Variants in THSD4 observed in about 807,000 individuals in gnomAD.
The protein encoded by THSD4 is thrombospondin type-1 domain-containing protein 4.
Under a neutral mutation model 119.0 loss-of-function variants are expected in THSD4, and 69 were observed. The ratio of observed to expected loss-of-function variants is 0.58; its 90% CI spans 0.48 to 0.71. The LOEUF (loss-of-function observed/expected upper bound fraction) is 0.71, where lower values mean the gene tolerates loss of function less well. THSD4 is among the 30% of genes least tolerant of loss of function. The pLI is 0.00. For synonymous variants in THSD4, 524 were observed against 540.4 expected, an observed-to-expected ratio of 0.97 and a Z score of 0.42; for missense variants, 1,393 against 1,391.1, an observed-to-expected ratio of 1.00 and a Z score of -0.02.
chr15:71,732,630 C>G (rs2053002524), intron 10 of THSD4: 1 of 152,164 alleles, frequency 6.6e-6, no homozygotes, highest in Non-Finnish European at 1.5e-5. Context: ...ATTCTCATGA[C>G]AGAGGGAGGT....
At chr15:71,372,148 C>T (rs2046060164) in intron 6 of THSD4, among the ~76,000 whole-genome samples, 1 of 152,192 alleles carries the variant, frequency 6.6e-6, no homozygotes, top group South Asian at 2.1e-4. Context: ...TTAAGGACTT[C>T]TCTGCACTGG....
rs898210785 is a variant in THSD4 at position 71,204,355 on chromosome 15, A to G, written c.100-10680A>G. On this transcript the variant is annotated intron_variant, in intron 3 of 17. Transcript: ENST00000261862. ...CTGCTTTTAAAGATCATGGAAATCC[A>G]TCCGGGCCTCCTTTGCACTGCGTTT... 7.9e-5 allele frequency among the ~76,000 whole-genome samples: 12 copies of G among 152,314 alleles called. No individual in the cohort carries two copies. The South Asian group carries it at 8.3e-4, about 11-fold the overall frequency.
At position 71,718,090 on chromosome 15, in the gene THSD4, A is replaced by G. The variant is rs2052642852; in HGVS notation, c.1358-10459A>G. 2.0e-5 allele frequency among the ~76,000 whole-genome samples: 3 copies of G among 151,838 alleles called. No homozygotes were observed. The South Asian group carries it at 6.2e-4, about 32-fold the overall frequency. On this transcript the variant is annotated intron_variant, in intron 8 of 17. Transcript: ENST00000261862. ...CTTGAGCCTGGGAAGTTGAGGCTAC[A>G]GTGAGCCATGATCATGCCATTGCAT...
intron 6 of THSD4, among the ~76,000 whole-genome samples, chr15:71,311,438 A>C (rs949338807): frequency 6.6e-6 from 1 of 152,186 alleles, no homozygotes; most frequent in Admixed American, 6.5e-5. Context: ...ATTCTCTGGC[A>C]TGGGTGCACC....
intron 8 of THSD4, among the ~76,000 whole-genome samples, chr15:71,672,025 G>C (rs1230700965): frequency 6.6e-6 from 1 of 152,192 alleles, no homozygotes; most frequent in East Asian, 1.9e-4. Context: ...TGTGAAGAAA[G>C]TCATTGGTAG....
At chr15:71,403,865 C>CTT (rs2046571681) in intron 6 of THSD4, among the ~76,000 whole-genome samples, 1 of 152,172 alleles carries the variant, frequency 6.6e-6, no homozygotes, top group African/African-American at 2.4e-5. Context: ...GCTGCTTGCT[C>CTT]TTTTTTATCT....
chr15:71,601,282 T>C (rs965758842), intron 7 of THSD4, among the ~76,000 whole-genome samples: 1 of 152,146 alleles, frequency 6.6e-6, no homozygotes, highest in Non-Finnish European at 1.5e-5. Flanking sequence ...CCTCAATGAT[T>C]GGCTGGGGGT....
At chr15:71,275,383 C>A (rs1381762789) in intron 6 of THSD4, among the ~76,000 whole-genome samples, 1 of 152,194 alleles carries the variant, frequency 6.6e-6, no homozygotes, top group Non-Finnish European at 1.5e-5. Context: ...CTCTCACTCT[C>A]CGAGCAGAGG....
At chr15:71,141,415 A>G in intron 1 of THSD4, 34 bp from the exon 2 acceptor site, 1 of 1,148,030 alleles carries the variant, frequency 8.7e-7, no homozygotes, top group Non-Finnish European at 1.2e-6. Context: ...TCCTAAGTAA[A>G]TGTTGCTAAA....
chr15:71,438,141 C>G (rs1224283571), intron 7 of THSD4, among the ~76,000 whole-genome samples: 1 of 152,204 alleles, frequency 6.6e-6, no homozygotes, highest in African/African-American at 2.4e-5. Context: ...CGCCCTCGCC[C>G]TCACCCTCGC....
chr15:71,246,748 C>T (rs950103868), intron 5 of THSD4, among the ~76,000 whole-genome samples: 2 of 152,206 alleles, frequency 1.3e-5, no homozygotes, highest in Middle Eastern at 3.4e-3. Flanking sequence ...ACAATGTGTA[C>T]GAGGAAGTTC....
At chr15:71,604,875 T>C (rs1374623633) in intron 7 of THSD4, among the ~76,000 whole-genome samples, 1 of 151,476 alleles carries the variant, frequency 6.6e-6, no homozygotes, top group Non-Finnish European at 1.5e-5. Flanking sequence ...GTGAAAATAC[T>C]CTTTATCAAC....
rs1325638267 is a variant in THSD4, at chr15:71,417,835, A to G, written c.1152+6012A>G. Reference sequence around the variant, plus strand: ...TCTGTAATTCGCTTTGGTTTTATGGACATTTTAGCAATATTAATTCTTCCA... The same window carrying G: ...TCTGTAATTCGCTTTGGTTTTATGGGCATTTTAGCAATATTAATTCTTCCA... On this transcript the variant is annotated intron_variant, in intron 7 of 17. Transcript: ENST00000261862. Among the ~76,000 whole-genome samples, 2 of 108,456 alleles carry G rather than the reference A, an allele frequency of 1.8e-5. 1 individual carries two copies. Among genetic ancestry groups the G allele is most frequent in the Non-Finnish European group, 4.1e-5 (2 of 49,270 alleles). 71.2% of individuals were successfully genotyped at this position (108,456 alleles called of 152,430 possible). A position where few individuals can be genotyped will look rare whatever the true frequency, so the allele number is the denominator to read the frequency against.
At chr15:71,116,040 C>G (rs903086724) in intron 1 of THSD4, among the ~76,000 whole-genome samples, 2 of 152,244 alleles carry the variant, frequency 1.3e-5, no homozygotes, top group Non-Finnish European at 2.9e-5. Context: ...GTCGGGGCCC[C>G]GTGCTCCCCG....
chr15:71,750,541 T>A (rs1045963797), intron 14 of THSD4, among the ~76,000 whole-genome samples: 4 of 152,206 alleles, frequency 2.6e-5, no homozygotes, highest in African/African-American at 9.6e-5. Context: ...GTCCTGGAGA[T>A]TCTTACCTAG....
chr15:71,580,518 T>G (rs2049537801), intron 7 of THSD4, among the ~76,000 whole-genome samples: 1 of 152,164 alleles, frequency 6.6e-6, no homozygotes, highest in Non-Finnish European at 1.5e-5. Context: ...CTACTCAATT[T>G]CAAGCATACA....
intron 7 of THSD4, among the ~76,000 whole-genome samples, chr15:71,436,773 AC>A (rs1401914671): frequency 2.0e-5 from 3 of 152,164 alleles, no homozygotes; most frequent in Non-Finnish European, 4.4e-5. Context: ...ATGTTTATAC[AC>A]CCTTTTTCAT....
At chr15:71,531,542 G>A (rs1325084901) in intron 7 of THSD4, among the ~76,000 whole-genome samples, 2 of 152,120 alleles carry the variant, frequency 1.3e-5, no homozygotes, top group Non-Finnish European at 2.9e-5. Flanking sequence ...GGAGACAGAC[G>A]CCCTGGGTTT....
At chr15:71,503,236 C>G (rs1180941513) in intron 7 of THSD4, among the ~76,000 whole-genome samples, 1 of 152,102 alleles carries the variant, frequency 6.6e-6, no homozygotes, top group Non-Finnish European at 1.5e-5. Flanking sequence ...TGGGAATGAT[C>G]CTGGCATGTT....
Sources: allele counts gnomAD v4.1 joint callset (sites outside exome capture counted in the v4.1 genomes callset), GRCh38; gene constraint gnomAD v4.1.1; transcripts MANE v1.5; gene names NCBI Gene and HGNC (gene_info 2026-07-23, HGNC 2026-07-21).